Variants in GRM7 observed in about 807,000 individuals in gnomAD.
The protein encoded by GRM7 is metabotropic glutamate receptor 7.
GRM7 carries 35 observed loss-of-function variants against 84.5 expected under a neutral mutation model. That is an observed-to-expected ratio of 0.41 (90% CI 0.32 to 0.55). GRM7 has a LOEUF of 0.55. GRM7 is among the 20% of genes least tolerant of loss of function. The pLI, the probability that GRM7 is intolerant of heterozygous loss-of-function variation, is 0.19. For missense variants in GRM7, 1,003 were observed against 1,194.6 expected (o/e 0.84, Z 2.36); for synonymous variants, 487 against 455.1 (o/e 1.07, Z -0.89).
chr3:6,965,751 T>A (rs1693490025), intron 1 of GRM7, among the ~76,000 whole-genome samples: 2 of 152,198 alleles, frequency 1.3e-5, no homozygotes, highest in Non-Finnish European at 2.9e-5. Flanking sequence ...TCCAACTCAA[T>A]TTCCGCCTAC....
intron 4 of GRM7, among the ~76,000 whole-genome samples, chr3:7,401,690 G>T (rs147368769): frequency 7.6e-4 from 115 of 152,190 alleles, no homozygotes; most frequent in African/African-American, 2.6e-3. Flanking sequence ...ACCTTATTCA[G>T]AGTCAGGAAT....
At chr3:7,055,509 G>GTATA (rs1332649950) in intron 1 of GRM7, among the ~76,000 whole-genome samples, 1 of 143,216 alleles carries the variant, frequency 7.0e-6, no homozygotes, top group Non-Finnish European at 1.5e-5. Context: ...GTGTGTGTAT[G>GTATA]TATATATATA....
At chr3:6,929,811 G>A (rs572730766) in intron 1 of GRM7, among the ~76,000 whole-genome samples, 4 of 151,952 alleles carry the variant, frequency 2.6e-5, no homozygotes, top group South Asian at 2.1e-4. Flanking sequence ...AGATGCTGAC[G>A]GCACACACTG....
intron 1 of GRM7, among the ~76,000 whole-genome samples, chr3:6,874,516 T>G (rs1695235287): frequency 1.3e-5 from 2 of 152,216 alleles, no homozygotes; most frequent in Non-Finnish European, 2.9e-5. Flanking sequence ...TATCCCTATA[T>G]ATGGATTACA....
intron 7 of GRM7, among the ~76,000 whole-genome samples, chr3:7,518,021 G>A (rs1412692894): frequency 6.6e-6 from 1 of 152,142 alleles, no homozygotes; most frequent in Non-Finnish European, 1.5e-5. Flanking sequence ...GGTTGGGGTG[G>A]CTGCAGTCAG....
At chr3:7,709,990 G>A (rs73809681) in intron 9 of GRM7, among the ~76,000 whole-genome samples, 3,201 of 152,070 alleles carry the variant, frequency 0.021, 104 homozygotes, top group African/African-American at 0.063. Flanking sequence ...CCAAGAATTC[G>A]GACAGGTCAT....
intron 7 of GRM7, among the ~76,000 whole-genome samples, chr3:7,562,581 A>G (rs985357902): frequency 2.0e-5 from 3 of 152,114 alleles, no homozygotes; most frequent in Non-Finnish European, 4.4e-5. Context: ...GAACAAAGAA[A>G]GCCTGAAAGT....
chr3:7,043,394 T>C (rs1490880463), intron 1 of GRM7, among the ~76,000 whole-genome samples: 2 of 152,178 alleles, frequency 1.3e-5, no homozygotes, highest in South Asian at 2.1e-4. Context: ...CTGCATTTCC[T>C]CTTTGTGTCA....
chr3:7,662,399 A>G (rs1699504292), intron 8 of GRM7, among the ~76,000 whole-genome samples: 1 of 152,234 alleles, frequency 6.6e-6, no homozygotes, highest in South Asian at 2.1e-4. Context: ...GCTTCAACAA[A>G]TCTGTTTAAA....
intron 1 of GRM7, among the ~76,000 whole-genome samples, chr3:6,969,936 G>T (rs1693676716): frequency 1.3e-5 from 2 of 152,182 alleles, no homozygotes; most frequent in African/African-American, 4.8e-5. Context: ...CCTTCAGAGT[G>T]TGTAAAGCAG....
chr3:7,259,220 G>T (rs918394302), intron 2 of GRM7, among the ~76,000 whole-genome samples: 1 of 152,012 alleles, frequency 6.6e-6, no homozygotes, highest in Non-Finnish European at 1.5e-5. Flanking sequence ...CACTACTTTG[G>T]GCTCAGTTTT....
Position 7,740,508 on chromosome 3 carries a change from A to C in GRM7, c.*102A>C. ...GGTCCTACCCGCTTCCCATCACCGG[A>C]GGAGCTTCCCCGGCCGGGAGACCAG... On this transcript the variant is annotated 3_prime_UTR_variant, in exon 10 of 10. Transcript: ENST00000357716. 1.6e-6 allele frequency: 1 copy of C among 631,634 alleles called. No individual in the cohort carries two copies. Among genetic ancestry groups the C allele is most frequent in the South Asian group, 2.4e-5 (1 of 41,622 alleles). 39.1% of individuals were successfully genotyped at this position (631,634 alleles called of 1,614,324 possible).
chr3:7,307,478 G>T (rs557697404), intron 4 of GRM7, among the ~76,000 whole-genome samples: 105 of 152,246 alleles, frequency 6.9e-4, no homozygotes, highest in Admixed American at 1.6e-3. Context: ...CTCAAAAAGG[G>T]ATCAAATATT....
chr3:7,113,387 A>C (rs993866311), intron 1 of GRM7, among the ~76,000 whole-genome samples: 1 of 152,154 alleles, frequency 6.6e-6, no homozygotes, highest in Non-Finnish European at 1.5e-5. Context: ...CCTTATCTAC[A>C]TCCTGCACCT....
At chr3:7,498,496 C>T (rs1354410375) in intron 7 of GRM7, among the ~76,000 whole-genome samples, 1 of 152,156 alleles carries the variant, frequency 6.6e-6, no homozygotes, top group African/African-American at 2.4e-5. Flanking sequence ...CTCTTGTGTT[C>T]TAATAATTAG....
In GRM7 at chr3:7,137,983, A is replaced by G. The variant is rs1693823796; in HGVS notation, c.520-8469A>G. 2.0e-5 allele frequency among the ~76,000 whole-genome samples: 3 copies of G among 152,136 alleles called. No individual in the cohort carries two copies. In the South Asian group the frequency reaches 6.2e-4, roughly 31 times the overall value. ...GTAAATGTAAATATTTTATACATTA[A>G]TAGTGAATTTCGTAAGACATCCAAG... On this transcript the variant is annotated intron_variant, in intron 1 of 9. Coordinates refer to ENST00000357716, the MANE Select transcript of GRM7 (RefSeq NM_000844.4).
intron 8 of GRM7, chr3:7,607,869 G>T (rs926124950): frequency 1.2e-5 from 2 of 160,708 alleles, no homozygotes; most frequent in Middle Eastern, 2.0e-3. Context: ...TACCTTTCCT[G>T]CTCCTCTCCT....
At chr3:7,474,169 G>A (rs1698824369) in intron 7 of GRM7, among the ~76,000 whole-genome samples, 1 of 152,114 alleles carries the variant, frequency 6.6e-6, no homozygotes. Flanking sequence ...CACAACCACT[G>A]AGCTCCATGT....
intron 9 of GRM7, among the ~76,000 whole-genome samples, chr3:7,708,297 G>A (rs1414872114): frequency 1.3e-5 from 2 of 151,560 alleles, no homozygotes; most frequent in East Asian, 1.9e-4. Flanking sequence ...GTTGATGTAA[G>A]GTTAATATAC....
Sources: gnomAD v4.1 joint callset for allele counts (sites outside exome capture counted in the v4.1 genomes callset) on GRCh38, gnomAD v4.1.1 for gene constraint, MANE v1.5 for transcripts, NCBI Gene and HGNC (gene_info 2026-07-23, HGNC 2026-07-21) for gene names.